Variants in NBEA observed in about 807,000 individuals in gnomAD.
NBEA encodes neurobeachin, also known as lysosomal-trafficking regulator 2.
A neutral mutation model predicts 343.4 loss-of-function variants in NBEA; 44 were observed. The observed-to-expected ratio is 0.13, with a 90% CI of 0.10 to 0.16. The LOEUF is 0.16. Among genes scored for constraint, NBEA ranks in the 10% least tolerant of loss-of-function variants. The probability of loss-of-function intolerance (pLI) is 1.00; values close to 1 mark genes in which losing one functional copy is unlikely to be tolerated. For synonymous variants in NBEA, 1,175 were observed against 1,238.7 expected, an observed-to-expected ratio of 0.95 and a Z score of 1.08; for missense variants, 2,555 against 3,631.3, an observed-to-expected ratio of 0.70 and a Z score of 7.62.
chr13:35,248,358 A>G lies in NBEA; in HGVS notation c.5776+15739A>G, dbSNP rs538170899. Among the ~76,000 whole-genome samples the G allele has an allele frequency of 5.3e-5, 8 of 152,350 alleles. No individual in the cohort carries two copies. The South Asian group carries it at 1.7e-3, about 32-fold the overall frequency. On this transcript the variant is annotated intron_variant, in intron 34 of 58. Coordinates refer to ENST00000379939, the MANE Select transcript of NBEA (RefSeq NM_001385012.1). ...CAGAATGAAGAAAAGAATTACATAG[A>G]TCATCTTATTTAATTAGTTTACTGT...
intron 41 of NBEA, among the ~76,000 whole-genome samples, chr13:35,515,848 T>A (rs1482107763): frequency 6.6e-6 from 1 of 152,312 alleles, no homozygotes; most frequent in South Asian, 2.1e-4. Context: ...ATATCTTTTT[T>A]AATTACCTGT....
intron 49 of NBEA, among the ~76,000 whole-genome samples, chr13:35,628,955 C>T: frequency 6.6e-6 from 1 of 152,068 alleles, no homozygotes; most frequent in East Asian, 1.9e-4. Context: ...AATATTTCTA[C>T]CTTTTAGACA....
In NBEA at chr13:35,152,812, G is replaced by A. The variant is rs533102534; in HGVS notation, c.2446-2962G>A. ...GTATGAATTGAGATGTGCTCTAAGT[G>A]TTAAATACACATTGGTTTTCATGTC... is the stretch of plus-strand genomic sequence containing the variant. On this transcript the variant is annotated intron_variant, in intron 18 of 58. Coordinates refer to ENST00000379939, the MANE Select transcript of NBEA (RefSeq NM_001385012.1). Among the ~76,000 whole-genome samples, 6 of 152,092 alleles carry A rather than the reference G, an allele frequency of 3.9e-5. No individual in the cohort carries two copies. In the South Asian group the frequency reaches 1.2e-3, roughly 32 times the overall value.
At chr13:35,376,296 G>C (rs1156375340) in intron 38 of NBEA, among the ~76,000 whole-genome samples, 1 of 152,068 alleles carries the variant, frequency 6.6e-6, no homozygotes, top group Non-Finnish European at 1.5e-5. Flanking sequence ...TAATTCTGGA[G>C]TGAAAGCCTT....
chr13:35,151,459 C>T (rs1191229507), intron 18 of NBEA, among the ~76,000 whole-genome samples: 3 of 150,188 alleles, frequency 2.0e-5, no homozygotes, highest in Non-Finnish European at 4.4e-5. Flanking sequence ...AGGAGAATCG[C>T]TTGAACCCGG....
At chr13:35,092,709 C>G (rs1052419845) in intron 10 of NBEA, among the ~76,000 whole-genome samples, 2 of 151,952 alleles carry the variant, frequency 1.3e-5, no homozygotes, top group African/African-American at 4.8e-5. Flanking sequence ...TAAATACTGG[C>G]AAGGATGTGA....
intron 6 of NBEA, 104 bp from the exon 7 acceptor site, chr13:35,055,905 AG>A (rs2063240628): frequency 1.2e-6 from 1 of 849,814 alleles, no homozygotes; most frequent in Admixed American, 3.5e-5. Context: ...GATCCTTAAT[AG>A]TCCTGTCAGC....
chr13:34,971,283 G>C (rs931144324), intron 1 of NBEA, among the ~76,000 whole-genome samples: 1 of 152,108 alleles, frequency 6.6e-6, no homozygotes, highest in African/African-American at 2.4e-5. Flanking sequence ...GGGCTAAGAT[G>C]ATGGGGTTTT....
At chr13:35,179,501 A>G (rs1482477892) in intron 28 of NBEA, among the ~76,000 whole-genome samples, 1 of 151,510 alleles carries the variant, frequency 6.6e-6, no homozygotes, top group Non-Finnish European at 1.5e-5. Context: ...AACTGGGAAT[A>G]AGAAGCACAA....
intron 38 of NBEA, among the ~76,000 whole-genome samples, chr13:35,366,714 A>C (rs114562962): frequency 0.012 from 1,819 of 151,320 alleles, 44 homozygotes; most frequent in African/African-American, 0.042. Context: ...GGAAAAAAAA[A>C]ACTGAGGAAA....
At chr13:34,954,192 A>G (rs750685453) in intron 1 of NBEA, among the ~76,000 whole-genome samples, 6 of 152,160 alleles carry the variant, frequency 3.9e-5, no homozygotes, top group Non-Finnish European at 7.4e-5. Context: ...GTTATGTGCA[A>G]ATACTATACC....
At chr13:35,494,776 G>T (rs1242867025) in intron 41 of NBEA, among the ~76,000 whole-genome samples, 1 of 151,954 alleles carries the variant, frequency 6.6e-6, no homozygotes, top group African/African-American at 2.4e-5. Flanking sequence ...TTGAGAGGCT[G>T]GGATGGATGG....
At chr13:35,086,510 T>C (rs1052201667) in intron 10 of NBEA, among the ~76,000 whole-genome samples, 2 of 152,014 alleles carry the variant, frequency 1.3e-5, no homozygotes, top group African/African-American at 4.8e-5. Flanking sequence ...ATGTGATCAA[T>C]TGTTTTAGTG....
At chr13:35,632,752 C>T (rs1593421826) in intron 49 of NBEA, among the ~76,000 whole-genome samples, 1 of 152,028 alleles carries the variant, frequency 6.6e-6, no homozygotes. Flanking sequence ...CACAACCGCA[C>T]CTGGCTAATT....
chr13:35,612,919 GTTTTA>G (rs1432383711), intron 48 of NBEA, among the ~76,000 whole-genome samples: 1 of 151,844 alleles, frequency 6.6e-6, no homozygotes, highest in Non-Finnish European at 1.5e-5. Flanking sequence ...TATCTGTTAA[GTTTTA>G]TTTTATTTTT....
intron 34 of NBEA, among the ~76,000 whole-genome samples, chr13:35,273,662 T>G (rs560076496): frequency 6.6e-6 from 1 of 151,912 alleles, no homozygotes; most frequent in Non-Finnish European, 1.5e-5. Context: ...ATAGATGCAA[T>G]AAAAAATGAT....
chr13:35,533,518 T>C (rs1166624717), intron 41 of NBEA, among the ~76,000 whole-genome samples: 3 of 152,142 alleles, frequency 2.0e-5, no homozygotes, highest in African/African-American at 7.2e-5. Flanking sequence ...CTCCTAAATA[T>C]TAGTGTCATT....
At chr13:35,501,849 C>T (rs2076900535) in intron 41 of NBEA, among the ~76,000 whole-genome samples, 2 of 152,132 alleles carry the variant, frequency 1.3e-5, no homozygotes, top group African/African-American at 4.8e-5. Flanking sequence ...CGGGGAACCC[C>T]TATTAATCCT....
chr13:35,611,346 T>C (rs1003589156), intron 48 of NBEA, among the ~76,000 whole-genome samples: 1 of 152,230 alleles, frequency 6.6e-6, no homozygotes, highest in Admixed American at 6.5e-5. Context: ...TATGAAGTAC[T>C]AGTTAGCCAT....
Sources: gnomAD v4.1 joint callset for allele counts (sites outside exome capture counted in the v4.1 genomes callset) on GRCh38, gnomAD v4.1.1 for gene constraint, MANE v1.5 for transcripts, NCBI Gene and HGNC (gene_info 2026-07-23, HGNC 2026-07-21) for gene names.